The following SYT10 variants were observed in gnomAD, a reference collection of about 807,000 sequenced individuals.
The protein encoded by SYT10 is synaptotagmin 10.
A neutral mutation model predicts 51.1 loss-of-function variants in SYT10; 31 were observed. The observed-to-expected ratio is 0.61, with a 90% CI of 0.46 to 0.82. The LOEUF (loss-of-function observed/expected upper bound fraction) is 0.82. Among genes scored for constraint, SYT10 ranks in the 40% least tolerant of loss-of-function variants. SYT10 has a pLI of 0.00. For synonymous variants in SYT10, 233 were observed against 225.9 expected (o/e 1.03, Z -0.28); for missense variants, 603 against 634.0 (o/e 0.95, Z 0.53).
At chr12:33,385,123 A>G (rs754359177) in intron 4 of SYT10, 48 bp downstream of exon 4, 2 of 1,595,254 alleles carry the variant, frequency 1.3e-6, no homozygotes, top group South Asian at 1.1e-5. Context: ...TACATGAAAT[A>G]TTTCATTTGA....
chr12:33,378,834 GTGTGTGTGTGTGTGTTTGTAGATGCATT>G (rs1454393060), intron 6 of SYT10, among the ~76,000 whole-genome samples: 11 of 147,558 alleles, frequency 7.5e-5, no homozygotes, highest in Admixed American at 2.0e-4. Context: ...GTGTGTGTGT[GTGTGTGTGTGTGTGTTTGTAGATGCATT>G]TGTGTGTGTG....
chr12:33,399,247 A>G (rs1430879332), intron 3 of SYT10, among the ~76,000 whole-genome samples: 1 of 152,236 alleles, frequency 6.6e-6, no homozygotes, highest in Non-Finnish European at 1.5e-5. Flanking sequence ...CAATGAGTCT[A>G]TCACTGGAAG....
chr12:33,392,076 C>A (rs1460235260), intron 3 of SYT10, among the ~76,000 whole-genome samples: 5 of 152,312 alleles, frequency 3.3e-5, no homozygotes, highest in African/African-American at 7.2e-5. Context: ...AAGATACATG[C>A]AAGGTTTGGA....
intron 1 of SYT10, among the ~76,000 whole-genome samples, chr12:33,427,038 A>T (rs2138433685): frequency 6.6e-6 from 1 of 152,218 alleles, no homozygotes; most frequent in South Asian, 2.1e-4. Context: ...ATAATTTTGT[A>T]TTATTTTTGT....
intron 1 of SYT10, among the ~76,000 whole-genome samples, chr12:33,435,070 TA>T (rs1325404111): frequency 6.6e-6 from 1 of 152,174 alleles, no homozygotes; most frequent in Non-Finnish European, 1.5e-5. Context: ...ATTTTGTATT[TA>T]AAAAAGCTTG....
chr12:33,427,952 A>C (rs572263327), intron 1 of SYT10, among the ~76,000 whole-genome samples: 8 of 152,236 alleles, frequency 5.3e-5, no homozygotes, highest in Admixed American at 3.3e-4. Context: ...AAGGTGTTGA[A>C]ATGAAAATAT....
At chr12:33,418,152 A>G (rs1449248703) in intron 2 of SYT10, among the ~76,000 whole-genome samples, 1 of 152,152 alleles carries the variant, frequency 6.6e-6, no homozygotes, top group South Asian at 2.1e-4. Context: ...CAACATTGCT[A>G]AATTCAAACA....
chr12:33,437,559 G>A (rs1424325308), intron 1 of SYT10, among the ~76,000 whole-genome samples: 26 of 152,108 alleles, frequency 1.7e-4, no homozygotes, highest in Non-Finnish European at 2.5e-4. Context: ...TCTGAGACCC[G>A]GGAAACCACT....
chr12:33,394,157 G>A (rs1866234230), intron 3 of SYT10, among the ~76,000 whole-genome samples: 1 of 152,144 alleles, frequency 6.6e-6, no homozygotes, highest in African/African-American at 2.4e-5. Flanking sequence ...GTATTTGATA[G>A]GTGCCAGCTT....
chr12:33,387,620 C>T (rs1453468464), intron 3 of SYT10, among the ~76,000 whole-genome samples: 1 of 152,162 alleles, frequency 6.6e-6, no homozygotes, highest in Non-Finnish European at 1.5e-5. Context: ...AACTGGATAT[C>T]CTTTGGGCTA....
chr12:33,397,776 C>T (rs530833293), intron 3 of SYT10, among the ~76,000 whole-genome samples: 2 of 152,068 alleles, frequency 1.3e-5, no homozygotes, highest in South Asian at 4.2e-4. Flanking sequence ...AGAAGTCTGA[C>T]TCTCCCAAGG....
intron 4 of SYT10, 103 bp downstream of exon 4, chr12:33,385,068 T>C: frequency 7.3e-7 from 1 of 1,375,292 alleles, no homozygotes; most frequent in Non-Finnish European, 9.9e-7. Flanking sequence ...TTTGTAGTAC[T>C]CCCATTATAG....
At position 33,374,441 on chromosome 12, in the gene SYT10, G is replaced by A. The variant is rs1457737192; in HGVS notation, c.*2389C>T. On this transcript the variant is annotated 3_prime_UTR_variant, in exon 7 of 7. Transcript: ENST00000228567. ...GAAAATATTTCATCTTCAATTACAA[G>A]CAGAAAGATGGTAAGTTATGTGTAT... is the stretch of plus-strand genomic sequence containing the variant. 6.6e-6 allele frequency: 1 copy of A among 151,574 alleles called. No homozygotes were observed. Among genetic ancestry groups the A allele is most frequent in the Admixed American group, 6.6e-5 (1 of 15,188 alleles). 9.4% of individuals were successfully genotyped at this position (151,574 alleles called of 1,614,324 possible).
rs1032157203 is a variant in SYT10 at position 33,375,431 on chromosome 12, A to G, written c.*1399T>C. 20 of 152,056 alleles carry G rather than the reference A, an allele frequency of 1.3e-4. No individual in the cohort carries two copies. Among genetic ancestry groups the G allele is most frequent in the Non-Finnish European group, 1.9e-4 (13 of 67,950 alleles). The allele number at this position is 152,056 out of a possible 1,614,324, so 9.4% of individuals were successfully genotyped here. Reference sequence around the variant, plus strand: ...TTTTCTTGCCTCTTTTTTTAAAAAAACCACCAATTTTGAAATAAGCTTGAA... The same window carrying G: ...TTTTCTTGCCTCTTTTTTTAAAAAAGCCACCAATTTTGAAATAAGCTTGAA... On this transcript the variant is annotated 3_prime_UTR_variant, in exon 7 of 7. Transcript: ENST00000228567.
chr12:33,409,775 C>A (rs1441262480), intron 2 of SYT10, among the ~76,000 whole-genome samples: 1 of 152,080 alleles, frequency 6.6e-6, no homozygotes, highest in African/African-American at 2.4e-5. Context: ...AAATTAGTGA[C>A]CATCCATAAG....
chr12:33,398,376 G>C (rs942851093), intron 3 of SYT10, among the ~76,000 whole-genome samples: 2 of 151,966 alleles, frequency 1.3e-5, no homozygotes, highest in Admixed American at 6.6e-5. Context: ...AGCCGAGCGT[G>C]GTGGTGGGCG....
chr12:33,409,124 T>C (rs948626428), intron 2 of SYT10, among the ~76,000 whole-genome samples: 4 of 152,166 alleles, frequency 2.6e-5, no homozygotes, highest in Admixed American at 6.5e-5. Context: ...TCACTTCTGT[T>C]GTCTATTGCA....
chr12:33,386,941 TTGAC>T (rs1204580193), intron 3 of SYT10, among the ~76,000 whole-genome samples: 3 of 152,238 alleles, frequency 2.0e-5, no homozygotes, highest in South Asian at 2.1e-4. Flanking sequence ...TATGTGGTCT[TTGAC>T]TGCATAGATG....
chr12:33,404,780 T>A lies in SYT10; in HGVS notation c.1077+2009A>T, dbSNP rs188126266. 17 of 152,324 alleles carry A rather than the reference T, an allele frequency of 1.1e-4. No homozygotes were observed. The East Asian group carries it at 1.7e-3, about 16-fold the overall frequency. The allele number at this position is 152,324 out of a possible 1,614,324, so 9.4% of individuals were successfully genotyped here. On this transcript the variant is annotated intron_variant, in intron 3 of 6. Transcript: ENST00000228567. Reference sequence around the variant, plus strand: ...AACCAAACTGTATTTCTAACCAAACTGTAAAAGATTTCTAACCAAACTGTA... The same window carrying A: ...AACCAAACTGTATTTCTAACCAAACAGTAAAAGATTTCTAACCAAACTGTA...
Sources: allele counts gnomAD v4.1 joint callset (sites outside exome capture counted in the v4.1 genomes callset), GRCh38; gene constraint gnomAD v4.1.1; transcripts MANE v1.5; gene names NCBI Gene and HGNC (gene_info 2026-07-23, HGNC 2026-07-21).